The following CAMSAP1 variants were observed in gnomAD, a reference collection of about 807,000 sequenced individuals.
The protein encoded by CAMSAP1 is calmodulin-regulated spectrin-associated protein 1.
In CAMSAP1, 58 loss-of-function variants were observed where a neutral mutation model predicts 143.5. That is an observed-to-expected ratio of 0.40 (90% CI 0.33 to 0.50). CAMSAP1 has a LOEUF of 0.50. CAMSAP1 is among the 20% of genes least tolerant of loss of function. CAMSAP1 has a pLI of 0.45. For synonymous variants in CAMSAP1, 945 were observed against 859.3 expected (o/e 1.10, Z -1.74); for missense variants, 1,969 against 2,115.7 (o/e 0.93, Z 1.36).
At chr9:135,874,341 T>C (rs998863456) in intron 3 of CAMSAP1, among the ~76,000 whole-genome samples, 16 of 152,012 alleles carry the variant, frequency 1.1e-4, no homozygotes, top group Admixed American at 9.8e-4. Context: ...GGCGTGGTGC[T>C]GTGTGCTGTA....
At chr9:135,857,679 A>G (rs1287944176) in intron 5 of CAMSAP1, among the ~76,000 whole-genome samples, 1 of 152,180 alleles carries the variant, frequency 6.6e-6, no homozygotes, top group Admixed American at 6.5e-5. Context: ...TGCTCCTAGT[A>G]AAGAGTGAGT....
At chr9:135,829,554 T>C (rs547003079) in intron 7 of CAMSAP1, among the ~76,000 whole-genome samples, 7 of 149,372 alleles carry the variant, frequency 4.7e-5, no homozygotes, top group Admixed American at 2.0e-4. Context: ...ACAAAAATAG[T>C]TAAAATAACA....
chr9:135,860,326 G>A (rs781527202), intron 5 of CAMSAP1, among the ~76,000 whole-genome samples: 11 of 151,956 alleles, frequency 7.2e-5, no homozygotes, highest in Admixed American at 1.3e-4. Context: ...GGCCAGGCGC[G>A]GTGGCTCACA....
chr9:135,823,277 G>T lies in CAMSAP1; in HGVS notation c.1401-17C>A. The T allele has an allele frequency of 1.3e-6, 2 of 1,534,304 alleles. No individual in the cohort carries two copies. Among genetic ancestry groups the T allele is most frequent in the Non-Finnish European group, 1.8e-6 (2 of 1,142,004 alleles). ...GACGCAGGCCTGAAACACAGGGAAGGCCCACTGGGTGCGCTGCGGTATACA... is the reference window on the plus strand; with the variant it reads ...GACGCAGGCCTGAAACACAGGGAAGTCCCACTGGGTGCGCTGCGGTATACA... On this transcript the variant is annotated splice_polypyrimidine_tract_variant and intron_variant, in intron 10 of 16. Transcript: ENST00000389532.
intron 1 of CAMSAP1, among the ~76,000 whole-genome samples, chr9:135,899,094 C>G (rs892539903): frequency 6.6e-6 from 1 of 152,182 alleles, no homozygotes; most frequent in South Asian, 2.1e-4. Context: ...ACAGAGGAAA[C>G]TCATCTACAA....
chr9:135,851,598 A>G (rs1046501867), intron 5 of CAMSAP1, among the ~76,000 whole-genome samples: 1 of 152,216 alleles, frequency 6.6e-6, no homozygotes, highest in Non-Finnish European at 1.5e-5. Context: ...ACTCCTCCTG[A>G]GTATTCTACA....
At chr9:135,859,377 C>G (rs1837091634) in intron 5 of CAMSAP1, among the ~76,000 whole-genome samples, 1 of 152,180 alleles carries the variant, frequency 6.6e-6, no homozygotes, top group Non-Finnish European at 1.5e-5. Flanking sequence ...GTCCATTTCT[C>G]CTTGTAACTC....
chr9:135,843,873 C>CAAAAAAA (rs150201026), intron 7 of CAMSAP1, among the ~76,000 whole-genome samples: 2 of 63,934 alleles, frequency 3.1e-5, no homozygotes, highest in African/African-American at 1.2e-4. Flanking sequence ...GACTCCGTCT[C>CAAAAAAA]AAAAAAAAAA....
At chr9:135,889,010 C>T (rs921680651) in intron 1 of CAMSAP1, among the ~76,000 whole-genome samples, 3 of 152,174 alleles carry the variant, frequency 2.0e-5, no homozygotes, top group African/African-American at 7.2e-5. Context: ...GGGAGACCCT[C>T]GGGAACCCTC....
chr9:135,838,213 T>C (rs536518281), intron 7 of CAMSAP1, among the ~76,000 whole-genome samples: 1,722 of 139,816 alleles, frequency 0.012, 37 homozygotes, highest in African/African-American at 0.048. Flanking sequence ...TTTCCACCCG[T>C]TCTACAGACA....
At position 135,817,942 on chromosome 9, in the gene CAMSAP1, C is replaced by A. The variant is rs1835290715; in HGVS notation, c.4271+35G>T. The A allele has an allele frequency of 2.5e-6, 4 of 1,593,318 alleles. No homozygotes were observed. In the South Asian group the frequency reaches 4.4e-5, roughly 18 times the overall value. On this transcript the variant is annotated intron_variant, in intron 14 of 16. Coordinates refer to ENST00000389532, the MANE Select transcript of CAMSAP1 (RefSeq NM_015447.4). ...CCACCCTGCCCCTCCGAACGTCCTC[C>A]AGCCCCGTGCCGGCGGCCGTCTCAG...
At chr9:135,834,156 G>A (rs1835940411) in intron 7 of CAMSAP1, among the ~76,000 whole-genome samples, 1 of 152,168 alleles carries the variant, frequency 6.6e-6, no homozygotes, top group South Asian at 2.1e-4. Flanking sequence ...CAAGAGATGA[G>A]TATTGAGGAG....
At chr9:135,817,752 C>T (rs971704902) in intron 14 of CAMSAP1, 51 of 516,804 alleles carry the variant, frequency 9.9e-5, no homozygotes, top group Non-Finnish European at 1.5e-4. Flanking sequence ...GGGTGGGGGA[C>T]AGGGGAGGGT....
chr9:135,856,057 A>C (rs2130917921), intron 5 of CAMSAP1, among the ~76,000 whole-genome samples: 1 of 152,330 alleles, frequency 6.6e-6, no homozygotes. Context: ...AGTCTCAAAA[A>C]ACACAAAAAA....
At chr9:135,825,548 C>T (rs1453554690) in intron 8 of CAMSAP1, among the ~76,000 whole-genome samples, 1 of 152,202 alleles carries the variant, frequency 6.6e-6, no homozygotes, top group African/African-American at 2.4e-5. Flanking sequence ...CCGGGAAGAA[C>T]GGCACATGCA....
Position 135,823,223 on chromosome 9 carries a change from C to T in CAMSAP1, c.1438G>A (p.Ala480Thr), listed in dbSNP as rs1475577248. ...CTGGGATCCACTTCACAACTCGCAG[C>T]GTGATGTAGAGCAAAAGGTGTTGGC... ...SQPTPFALHH[A>T]ASCEVDPSSG... The change falls in exon 11 of 17, where the codon GCT (alanine) becomes ACT (threonine). Residue 480 changes from alanine to threonine, a missense_variant. Physicochemically the swap from Ala to Thr is moderately conservative, Grantham distance 58. Transcript: ENST00000389532. 2.5e-6 allele frequency: 4 copies of T among 1,569,192 alleles called. No homozygotes were observed. The highest frequency in any genetic ancestry group is 1.7e-4 in the Middle Eastern group (1 of 5,812).
In CAMSAP1 at chr9:135,811,920, C is replaced by T. The variant is rs775215108; in HGVS notation, c.4507-309G>A. Among the ~76,000 whole-genome samples, 34 of 152,188 alleles carry T rather than the reference C, an allele frequency of 2.2e-4. No individual in the cohort carries two copies. The highest frequency in any genetic ancestry group is 1.9e-3 in the Admixed American group (29 of 15,288). On this transcript the variant is annotated intron_variant, in intron 16 of 16. Coordinates refer to ENST00000389532, the MANE Select transcript of CAMSAP1 (RefSeq NM_015447.4). This position sits in a 1 kb window ranked among gnomAD's most constrained non-coding sequence, Gnocchi z 4.9. ...AAATGCCAGTCAGAAAGAGACGTCG[C>T]GTCATGCCCACAAGGACGGCTGGAA...
chr9:135,840,531 T>C (rs1451506429), intron 7 of CAMSAP1, among the ~76,000 whole-genome samples: 1 of 152,196 alleles, frequency 6.6e-6, no homozygotes. Flanking sequence ...GACTTCCTTC[T>C]TGAGCTGGAC....
chr9:135,883,370 C>T (rs547985992), intron 1 of CAMSAP1, among the ~76,000 whole-genome samples: 2 of 152,300 alleles, frequency 1.3e-5, no homozygotes, highest in South Asian at 4.2e-4. Flanking sequence ...TGACCTCCAC[C>T]GTGACCTCAA....
Sources: gnomAD v4.1 joint callset for allele counts (sites outside exome capture counted in the v4.1 genomes callset) on GRCh38, gnomAD v4.1.1 for gene constraint, Gnocchi (gnomAD v3.1) non-coding constraint, MANE v1.5 for transcripts, NCBI Gene and HGNC (gene_info 2026-07-23, HGNC 2026-07-21) for gene names.